FRMD4A: variants seen among roughly 807,000 people sequenced by gnomAD.
FRMD4A encodes the protein FERM domain-containing protein 4A.
Under a neutral mutation model 129.1 loss-of-function variants are expected in FRMD4A, and 29 were observed. That is an observed-to-expected ratio of 0.22 (90% CI 0.17 to 0.31). The LOEUF (loss-of-function observed/expected upper bound fraction) is 0.31. Among genes scored for constraint, FRMD4A ranks in the 10% least tolerant of loss-of-function variants. The pLI is 1.00. For synonymous variants in FRMD4A, 634 were observed against 571.6 expected (o/e 1.11, Z -1.56); for missense variants, 1,272 against 1,375.8 (o/e 0.92, Z 1.19).
intron 3 of FRMD4A, among the ~76,000 whole-genome samples, chr10:13,856,507 T>G (rs935578824): frequency 1.3e-5 from 2 of 152,030 alleles, no homozygotes; most frequent in South Asian, 2.1e-4. Flanking sequence ...GGTGTGGCCA[T>G]GTCATAAGAA....
chr10:13,679,134 A>G (rs901815107), intron 15 of FRMD4A, among the ~76,000 whole-genome samples: 3 of 151,662 alleles, frequency 2.0e-5, no homozygotes, highest in African/African-American at 7.3e-5. Flanking sequence ...AAAAACACAT[A>G]GTGTTATGGC....
chr10:13,850,331 AG>A (rs1355668022), intron 3 of FRMD4A, among the ~76,000 whole-genome samples: 3 of 152,154 alleles, frequency 2.0e-5, no homozygotes, highest in Non-Finnish European at 4.4e-5. Context: ...ACTTGCCCTC[AG>A]TGCTATTTTA....
intron 12 of FRMD4A, among the ~76,000 whole-genome samples, chr10:13,715,106 T>C (rs751231063): frequency 2.5e-4 from 38 of 152,182 alleles, no homozygotes; most frequent in Non-Finnish European, 4.7e-4. Flanking sequence ...TCTCATGCTT[T>C]TGTCTCAAAT....
At chr10:14,191,444 C>G (rs1842314018) in intron 2 of FRMD4A, among the ~76,000 whole-genome samples, 1 of 152,136 alleles carries the variant, frequency 6.6e-6, no homozygotes, top group African/African-American at 2.4e-5. Flanking sequence ...TTTACAAGAC[C>G]CAGGACCAAT....
At chr10:13,745,302 G>T (rs1268235340) in intron 9 of FRMD4A, among the ~76,000 whole-genome samples, 1 of 152,146 alleles carries the variant, frequency 6.6e-6, no homozygotes, top group Non-Finnish European at 1.5e-5. Context: ...TGTGGTTGTG[G>T]TTGTTGTTTT....
intron 2 of FRMD4A, among the ~76,000 whole-genome samples, chr10:13,889,015 T>C (rs775722226): frequency 1.3e-5 from 2 of 152,252 alleles, no homozygotes; most frequent in Non-Finnish European, 2.9e-5. Flanking sequence ...AGTATATGGC[T>C]TGCTGGACAC....
At chr10:14,013,399 G>A (rs948783727) in intron 2 of FRMD4A, among the ~76,000 whole-genome samples, 3 of 152,172 alleles carry the variant, frequency 2.0e-5, no homozygotes, top group East Asian at 3.9e-4. Context: ...TGTCTGAGAA[G>A]CAGGTTTGAA....
chr10:14,246,605 A>G (rs1318195058), intron 2 of FRMD4A, among the ~76,000 whole-genome samples: 1 of 152,230 alleles, frequency 6.6e-6, no homozygotes, highest in Admixed American at 6.5e-5. Flanking sequence ...ATACACACAT[A>G]TGTGCGCACA....
intron 2 of FRMD4A, among the ~76,000 whole-genome samples, chr10:14,032,041 C>G (rs1350453076): frequency 6.6e-6 from 1 of 152,162 alleles, no homozygotes; most frequent in Non-Finnish European, 1.5e-5. Context: ...CTCCCAGACT[C>G]AAGCAATCCT....
intron 2 of FRMD4A, among the ~76,000 whole-genome samples, chr10:13,905,799 T>G (rs2094876221): frequency 6.6e-6 from 1 of 152,180 alleles, no homozygotes; most frequent in Admixed American, 6.5e-5. Context: ...CAAAGTGCAT[T>G]CCGTTTTTTC....
intron 2 of FRMD4A, among the ~76,000 whole-genome samples, chr10:14,028,043 T>G (rs1833063762): frequency 2.0e-5 from 3 of 152,252 alleles, no homozygotes; most frequent in Admixed American, 6.5e-5. Flanking sequence ...GTGTCAGTGC[T>G]TATCGGTATA....
At chr10:13,720,314 G>C (rs758835174) in intron 12 of FRMD4A, among the ~76,000 whole-genome samples, 1 of 152,196 alleles carries the variant, frequency 6.6e-6, no homozygotes, top group African/African-American at 2.4e-5. Flanking sequence ...CTCCCAAAGT[G>C]TTGGGATTAC....
At chr10:14,185,617 GAT>G (rs10534116) in intron 2 of FRMD4A, among the ~76,000 whole-genome samples, 41,581 of 151,984 alleles carry the variant, frequency 0.27, 5,763 homozygotes, top group Admixed American at 0.32. Flanking sequence ...ACAGAAAGGG[GAT>G]ATATACTTCA....
intron 3 of FRMD4A, among the ~76,000 whole-genome samples, chr10:13,841,828 A>C (rs2093970963): frequency 6.6e-6 from 1 of 152,038 alleles, no homozygotes; most frequent in Non-Finnish European, 1.5e-5. Context: ...GGTCACAGGA[A>C]CCCTCATATT....
intron 2 of FRMD4A, among the ~76,000 whole-genome samples, chr10:14,259,030 G>A (rs1475758283): frequency 3.9e-5 from 6 of 152,028 alleles, no homozygotes; most frequent in African/African-American, 1.4e-4. Flanking sequence ...TACAAAGGGG[G>A]CAAAAGGAAA....
At chr10:13,926,255 G>T (rs1208417261) in intron 2 of FRMD4A, among the ~76,000 whole-genome samples, 1 of 152,202 alleles carries the variant, frequency 6.6e-6, no homozygotes, top group Non-Finnish European at 1.5e-5. Flanking sequence ...CAGATTCCTA[G>T]AAGAATCAGT....
At chr10:13,928,006 C>T (rs962625748) in intron 2 of FRMD4A, among the ~76,000 whole-genome samples, 1 of 132,676 alleles carries the variant, frequency 7.5e-6, no homozygotes, top group African/African-American at 2.8e-5. Context: ...GATAGTTATA[C>T]TTAACATACC....
chr10:13,948,054 GAA>G (rs80191339), intron 2 of FRMD4A, among the ~76,000 whole-genome samples: 31 of 136,512 alleles, frequency 2.3e-4, no homozygotes, highest in African/African-American at 4.7e-4. Flanking sequence ...AAAGTAAATT[GAA>G]AAAAAAAAAA....
At chr10:13,695,535 G>A (rs1335135520) in intron 14 of FRMD4A, among the ~76,000 whole-genome samples, 1 of 152,202 alleles carries the variant, frequency 6.6e-6, no homozygotes, top group African/African-American at 2.4e-5. Context: ...TCCAATGTTT[G>A]CTTGTTTTCT....
Sources: allele counts gnomAD v4.1 joint callset (sites outside exome capture counted in the v4.1 genomes callset), GRCh38; gene constraint gnomAD v4.1.1; transcripts MANE v1.5; gene names NCBI Gene and HGNC (gene_info 2026-07-23, HGNC 2026-07-21).